The following TRIM33 variants were observed in gnomAD, a reference collection of about 807,000 sequenced individuals.
The protein encoded by TRIM33 is E3 ubiquitin-protein ligase TRIM33.
A neutral mutation model predicts 125.4 loss-of-function variants in TRIM33; 20 were observed. That is an observed-to-expected ratio of 0.16 (90% CI 0.11 to 0.23). TRIM33 has a LOEUF of 0.23. Ranked by LOEUF, TRIM33 falls within the 10% of genes least tolerant of loss-of-function variation. TRIM33 has a pLI of 1.00. For missense variants in TRIM33, 920 were observed against 1,411.4 expected (o/e 0.65, Z 5.58); for synonymous variants, 564 against 513.9 (o/e 1.10, Z -1.32).
intron 1 of TRIM33, among the ~76,000 whole-genome samples, chr1:114,466,179 T>C (rs17032751): frequency 1.3e-5 from 2 of 152,088 alleles, no homozygotes. Flanking sequence ...AAGCATGACT[T>C]AAAAACCTCT....
intron 14 of TRIM33, 90 bp from the exon 15 acceptor site, chr1:114,405,849 T>C (rs768687358): frequency 2.6e-5 from 29 of 1,114,326 alleles, no homozygotes; most frequent in Non-Finnish European, 3.3e-5. Context: ...AATATGCATA[T>C]AGATATACTG....
chr1:114,484,557 T>C (rs1651556153), intron 1 of TRIM33, among the ~76,000 whole-genome samples: 1 of 152,030 alleles, frequency 6.6e-6, no homozygotes, highest in Non-Finnish European at 1.5e-5. Context: ...TGAAACCCCA[T>C]CTCTATTAAA....
intron 1 of TRIM33, among the ~76,000 whole-genome samples, chr1:114,489,741 T>C (rs1437429488): frequency 6.6e-6 from 1 of 151,788 alleles, no homozygotes. Flanking sequence ...CAAGACCCTG[T>C]CTCAAAAAAT....
Position 114,397,992 on chromosome 1 carries a change from T to TA in TRIM33, c.3121-3dup. ...ATAAACTTGAACAACTTTCATCATC[T>TA]AAAAAGGATACCAGAGTCAAAAAAA... On this transcript the variant is annotated splice_region_variant and splice_polypyrimidine_tract_variant and intron_variant, in intron 18 of 19. Transcript: ENST00000358465. 1 of 1,597,014 alleles carries TA rather than the reference T, an allele frequency of 6.3e-7. No homozygotes were observed.
intron 11 of TRIM33, 138 bp downstream of exon 11, chr1:114,421,298 T>A (rs1212698832): frequency 3.8e-6 from 3 of 790,244 alleles, no homozygotes; most frequent in Non-Finnish European, 6.0e-6. Context: ...AGGAGACTTT[T>A]AGTGATTTAG....
At chr1:114,422,684 A>G (rs572445665) in intron 10 of TRIM33, among the ~76,000 whole-genome samples, 9 of 152,028 alleles carry the variant, frequency 5.9e-5, no homozygotes, top group Non-Finnish European at 1.2e-4. Flanking sequence ...AATCAAAGGT[A>G]CAATTGGAAA....
intron 1 of TRIM33, among the ~76,000 whole-genome samples, chr1:114,500,726 T>C (rs963163052): frequency 1.3e-5 from 2 of 151,582 alleles, no homozygotes; most frequent in Non-Finnish European, 2.9e-5. Flanking sequence ...TGCTTATTAT[T>C]ATAAAGCTAC....
chr1:114,441,123 T>TA (rs1648624978), intron 4 of TRIM33, among the ~76,000 whole-genome samples: 1 of 152,064 alleles, frequency 6.6e-6, no homozygotes, highest in African/African-American at 2.4e-5. Context: ...GCCAGGGTAA[T>TA]AAAGCGAGAC....
intron 4 of TRIM33, among the ~76,000 whole-genome samples, chr1:114,434,715 T>C (rs1648171213): frequency 1.3e-5 from 2 of 152,360 alleles, no homozygotes; most frequent in South Asian, 2.1e-4. Flanking sequence ...TCCATTATTG[T>C]TTGTACTACT....
chr1:114,506,189 C>T (rs1296172904), intron 1 of TRIM33, among the ~76,000 whole-genome samples: 1 of 151,884 alleles, frequency 6.6e-6, no homozygotes, highest in Non-Finnish European at 1.5e-5. Context: ...CGAGACCAGC[C>T]TAGCCTACAT....
intron 8 of TRIM33, 70 bp from the exon 9 acceptor site, chr1:114,425,793 T>A (rs1379807599): frequency 8.7e-7 from 1 of 1,148,326 alleles, no homozygotes; most frequent in African/African-American, 1.5e-5. Context: ...GTAATCACCA[T>A]GTTTTCCTCT....
chr1:114,425,754 A>G, intron 8 of TRIM33, 31 bp from the exon 9 acceptor site: 2 of 1,490,460 alleles, frequency 1.3e-6, no homozygotes, highest in Non-Finnish European at 1.8e-6. Flanking sequence ...GAATTTGCAT[A>G]TAATCAACTA....
intron 1 of TRIM33, among the ~76,000 whole-genome samples, chr1:114,503,418 C>T (rs949199258): frequency 3.3e-5 from 5 of 152,066 alleles, no homozygotes; most frequent in African/African-American, 4.8e-5. Context: ...GCGGAGGTCG[C>T]GGTGAGCCAA....
In TRIM33 at chr1:114,439,962, T is replaced by C. The variant is rs1648554054; in HGVS notation, c.924-6229A>G. Among the ~76,000 whole-genome samples, 4 of 152,214 alleles carry C rather than the reference T, an allele frequency of 2.6e-5. No homozygotes were observed. The South Asian group carries it at 8.3e-4, about 31-fold the overall frequency. On this transcript the variant is annotated intron_variant, in intron 4 of 19. Coordinates refer to ENST00000358465, the MANE Select transcript of TRIM33 (RefSeq NM_015906.4). ...ATGAAGGTGAAACTACTAGGAGTGA[T>C]AAAGATGTTCACTATTTTGACTGTG... is the stretch of plus-strand genomic sequence containing the variant.
chr1:114,467,905 A>G (rs769466430), intron 1 of TRIM33, among the ~76,000 whole-genome samples: 10 of 152,208 alleles, frequency 6.6e-5, no homozygotes, highest in Non-Finnish European at 1.3e-4. Flanking sequence ...ATAATGAAAA[A>G]TTACAGATAT....
chr1:114,464,746 C>T (rs949274818), intron 1 of TRIM33, among the ~76,000 whole-genome samples: 6 of 152,064 alleles, frequency 3.9e-5, no homozygotes, highest in African/African-American at 1.2e-4. Context: ...GTTTGTCCAG[C>T]GGGTCCTAAA....
chr1:114,438,340 A>G (rs2101224107), intron 4 of TRIM33, among the ~76,000 whole-genome samples: 1 of 152,308 alleles, frequency 6.6e-6, no homozygotes, highest in Admixed American at 6.5e-5. Flanking sequence ...CCATTTTTTT[A>G]AATTACATTA....
In TRIM33 at chr1:114,405,864, A is replaced by G. The variant is rs1339025306; in HGVS notation, c.2419-105T>C. On this transcript the variant is annotated intron_variant, in intron 14 of 19. Transcript: ENST00000358465. The stretch of plus-strand genomic sequence containing the variant: ...AATATGCATATAGATATACTGACGT[A>G]ACAAATTTATTTTATAGATCACAAT... 4 of 998,066 alleles carry G rather than the reference A, an allele frequency of 4.0e-6. No homozygotes were observed. In the African/African-American group the frequency reaches 4.9e-5, roughly 12 times the overall value. The allele number at this position is 998,066 out of a possible 1,614,324, so 61.8% of individuals were successfully genotyped here.
intron 4 of TRIM33, among the ~76,000 whole-genome samples, chr1:114,460,846 G>C (rs1394120907): frequency 1.3e-5 from 2 of 152,022 alleles, no homozygotes; most frequent in Admixed American, 6.6e-5. Context: ...TTTATGGAAT[G>C]AAGTATTGCT....
Sources: gnomAD v4.1 joint callset for allele counts (sites outside exome capture counted in the v4.1 genomes callset) on GRCh38, gnomAD v4.1.1 for gene constraint, MANE v1.5 for transcripts, NCBI Gene and HGNC (gene_info 2026-07-23, HGNC 2026-07-21) for gene names.